Variants in EPB41L2 observed in about 807,000 individuals in gnomAD.
EPB41L2 encodes the protein erythrocyte membrane protein band 4.1 like 2.
Under a neutral mutation model 113.0 loss-of-function variants are expected in EPB41L2, and 43 were observed. That is an observed-to-expected ratio of 0.38 (90% CI 0.30 to 0.49). The LOEUF is 0.49. Among genes scored for constraint, EPB41L2 ranks in the 20% least tolerant of loss-of-function variants. The pLI, the probability that EPB41L2 is intolerant of heterozygous loss-of-function variation, is 0.95. For synonymous variants in EPB41L2, 442 were observed against 436.7 expected (o/e 1.01, Z -0.15); for missense variants, 1,147 against 1,223.4 (o/e 0.94, Z 0.93).
chr6:130,957,243 T>C (rs968620938), intron 1 of EPB41L2, among the ~76,000 whole-genome samples: 8 of 152,204 alleles, frequency 5.3e-5, no homozygotes, highest in Non-Finnish European at 1.2e-4. Flanking sequence ...ATGAGGACAT[T>C]ATGAGGTGGA....
At chr6:130,969,693 G>A (rs375736910) in intron 1 of EPB41L2, among the ~76,000 whole-genome samples, 15 of 152,120 alleles carry the variant, frequency 9.9e-5, no homozygotes, top group African/African-American at 3.6e-4. Flanking sequence ...GATAGCTACA[G>A]TACAACTTCT....
In EPB41L2 at chr6:131,049,814, C is replaced by T. The variant is rs567202493; in HGVS notation, c.-15+13341G>A. Among the ~76,000 whole-genome samples the T allele has an allele frequency of 4.6e-5, 7 of 152,246 alleles. No individual in the cohort carries two copies. In the South Asian group the frequency reaches 1.5e-3, roughly 32 times the overall value. On this transcript the variant is annotated intron_variant, in intron 1 of 19. Transcript: ENST00000337057. ...CTGTCTACCTTCAGGGCTCAAGACA[C>T]AAATATATAAAAGCTACAGGACATC...
At chr6:130,969,125 T>A (rs1776111410) in intron 1 of EPB41L2, among the ~76,000 whole-genome samples, 1 of 152,132 alleles carries the variant, frequency 6.6e-6, no homozygotes, top group Admixed American at 6.6e-5. Flanking sequence ...TGATTGGCTG[T>A]CCAGGTCATC....
intron 1 of EPB41L2, among the ~76,000 whole-genome samples, chr6:130,989,459 T>C (rs1781330385): frequency 6.9e-6 from 1 of 144,928 alleles, no homozygotes. Flanking sequence ...TATTATGGAA[T>C]GGGCTGAGTA....
At chr6:130,913,551 G>C (rs1332655076) in intron 4 of EPB41L2, among the ~76,000 whole-genome samples, 1 of 152,086 alleles carries the variant, frequency 6.6e-6, no homozygotes, top group Non-Finnish European at 1.5e-5. Flanking sequence ...ATTAATACCT[G>C]CTGACTGATA....
At position 130,850,425 on chromosome 6, in the gene EPB41L2, C is replaced by T. The variant is rs144166483; in HGVS notation, c.*5+7706G>A. ...CATTAATAGGGGTTATTTAAGTAAACCATCACTCATCCATTCAACAGCTGC... is the reference window on the plus strand; with the variant it reads ...CATTAATAGGGGTTATTTAAGTAAATCATCACTCATCCATTCAACAGCTGC... On this transcript the variant is annotated intron_variant, in intron 19 of 19. Transcript: ENST00000337057. Among the ~76,000 whole-genome samples the T allele has an allele frequency of 1.6e-3, 240 of 152,172 alleles. 1 individual carries two copies. The highest frequency in any genetic ancestry group is 5.5e-3 in the African/African-American group (230 of 41,502).
At chr6:131,000,197 T>C (rs184614143) in intron 1 of EPB41L2, among the ~76,000 whole-genome samples, 11 of 152,064 alleles carry the variant, frequency 7.2e-5, no homozygotes, top group African/African-American at 2.7e-4. Flanking sequence ...CTCTCATCTG[T>C]GTATAACCTT....
intron 4 of EPB41L2, among the ~76,000 whole-genome samples, chr6:130,911,997 T>G (rs1799565696): frequency 6.6e-6 from 1 of 152,192 alleles, no homozygotes; most frequent in Non-Finnish European, 1.5e-5. Flanking sequence ...CATTACCACC[T>G]GAGCACCGCC....
chr6:131,012,639 C>T (rs1787300388), intron 1 of EPB41L2, among the ~76,000 whole-genome samples: 1 of 151,468 alleles, frequency 6.6e-6, no homozygotes. Context: ...CAATAGATAT[C>T]CCCAATAGAA....
At chr6:131,029,168 A>G (rs542496264) in intron 1 of EPB41L2, among the ~76,000 whole-genome samples, 12 of 152,276 alleles carry the variant, frequency 7.9e-5, no homozygotes, top group African/African-American at 2.9e-4. Flanking sequence ...TCATATTTGC[A>G]TGGGTATTTT....
At chr6:131,032,894 C>T (rs1417350937) in intron 1 of EPB41L2, among the ~76,000 whole-genome samples, 2 of 152,146 alleles carry the variant, frequency 1.3e-5, no homozygotes, top group Non-Finnish European at 2.9e-5. Flanking sequence ...CGCTTGAAAT[C>T]CCAGCACTCT....
chr6:130,862,294 TG>T (rs890324503), intron 18 of EPB41L2, among the ~76,000 whole-genome samples: 8 of 139,492 alleles, frequency 5.7e-5, no homozygotes, highest in Non-Finnish European at 1.2e-4. Flanking sequence ...CTAGGTTCAA[TG>T]GGGAGAGGGG....
rs75143962 is a variant in EPB41L2 at position 131,049,373 on chromosome 6, T to C, written c.-15+13782A>G. Among the ~76,000 whole-genome samples the C allele has an allele frequency of 2.6e-5, 4 of 152,338 alleles. No individual in the cohort carries two copies. In the East Asian group the frequency reaches 7.7e-4, roughly 29 times the overall value. On this transcript the variant is annotated intron_variant, in intron 1 of 19. Transcript: ENST00000337057. ...TTTGCAGTGGACAGACCCAACTCAG[T>C]ACTTGACATTCTGACCTTTCCCATA...
At chr6:130,937,162 A>G (rs1348095414) in intron 3 of EPB41L2, among the ~76,000 whole-genome samples, 1 of 152,206 alleles carries the variant, frequency 6.6e-6, no homozygotes, top group Non-Finnish European at 1.5e-5. Context: ...TCCACAGTTT[A>G]TGTCAGGGTT....
At chr6:131,031,989 C>T (rs929506144) in intron 1 of EPB41L2, among the ~76,000 whole-genome samples, 1 of 152,142 alleles carries the variant, frequency 6.6e-6, no homozygotes. Flanking sequence ...TTAAACTATA[C>T]AGCAAATTTC....
chr6:130,846,014 T>C (rs1029214516), intron 19 of EPB41L2, among the ~76,000 whole-genome samples: 2 of 152,236 alleles, frequency 1.3e-5, no homozygotes, highest in African/African-American at 4.8e-5. Flanking sequence ...AAACCTTTTA[T>C]TGAAAATGAA....
intron 1 of EPB41L2, among the ~76,000 whole-genome samples, chr6:130,977,769 A>C (rs535150131): frequency 6.6e-6 from 1 of 152,338 alleles, no homozygotes; most frequent in South Asian, 2.1e-4. Flanking sequence ...AGCTACACGT[A>C]TAACATAAAA....
rs142547245 is a variant in EPB41L2 at position 130,952,660 on chromosome 6, A to G, written c.705+2445T>C. Reference sequence around the variant, plus strand: ...CCCCGTCTCTACTAAAAATACAAAAATTAGCTGGGTGTGGTGGCTCATGCC... The same window carrying G: ...CCCCGTCTCTACTAAAAATACAAAAGTTAGCTGGGTGTGGTGGCTCATGCC... On this transcript the variant is annotated intron_variant, in intron 3 of 19. Coordinates refer to ENST00000337057, the MANE Select transcript of EPB41L2 (RefSeq NM_001431.4). 8.4e-3 allele frequency among the ~76,000 whole-genome samples: 1,283 copies of G among 152,184 alleles called. 14 individuals are homozygous for G. The highest frequency in any genetic ancestry group is 0.029 in the African/African-American group (1,201 of 41,528).
At chr6:130,884,190 G>A (rs1044380900) in intron 12 of EPB41L2, among the ~76,000 whole-genome samples, 5 of 151,784 alleles carry the variant, frequency 3.3e-5, no homozygotes, top group African/African-American at 9.7e-5. Flanking sequence ...AAAATTAGCC[G>A]GGCACGTGGT....
Sources: gnomAD v4.1 joint callset for allele counts (sites outside exome capture counted in the v4.1 genomes callset) on GRCh38, gnomAD v4.1.1 for gene constraint, MANE v1.5 for transcripts, NCBI Gene and HGNC (gene_info 2026-07-23, HGNC 2026-07-21) for gene names.